Variants in MDN1 observed in about 807,000 individuals in gnomAD.
MDN1 encodes midasin AAA ATPase 1.
MDN1 carries 266 observed loss-of-function variants against 669.2 expected under a neutral mutation model. That is an observed-to-expected ratio of 0.40 (90% confidence interval 0.36 to 0.44). The LOEUF (loss-of-function observed/expected upper bound fraction) is 0.44. Ranked by LOEUF, MDN1 falls within the 20% of genes least tolerant of loss-of-function variation. The probability of loss-of-function intolerance (pLI) is 1.00; values close to 1 mark genes in which losing one functional copy is unlikely to be tolerated. For missense variants in MDN1, 5,940 were observed against 6,754.0 expected (o/e 0.88, Z 4.22); for synonymous variants, 2,385 against 2,457.1 (o/e 0.97, Z 0.87).
At position 89,732,571 on chromosome 6, in the gene MDN1, T is replaced by C; in HGVS notation, c.4928A>G (p.Asp1643Gly). The C allele has an allele frequency of 6.2e-7, 1 of 1,614,112 alleles. No individual in the cohort carries two copies. The highest frequency in any genetic ancestry group is 8.5e-7 in the Non-Finnish European group (1 of 1,179,970). ...AGACAACATACCTGAACCTATTCCATCTATGTACACCAGGCATGCAGCATG... is the reference window on the plus strand; with the variant it reads ...AGACAACATACCTGAACCTATTCCACCTATGTACACCAGGCATGCAGCATG... The part of the protein sequence containing the change: ...FVHAACLVYI[D>G]GIGSGVTSSG... Residue 1643 changes from aspartate (D) to glycine (G), a missense_variant, in exon 34 of 102, where the codon GAT (aspartate) becomes GGT (glycine). Around this residue, in one of 5 missense-constraint regions of MDN1, gnomAD observed 2,292 missense variants for 2,638.3 expected, o/e 0.87. Transcript: ENST00000369393.
chr6:89,808,528 C>T (rs748525405), intron 1 of MDN1, among the ~76,000 whole-genome samples: 54 of 152,142 alleles, frequency 3.5e-4, no homozygotes, highest in Non-Finnish European at 1.5e-4. Context: ...AGTAGTTATT[C>T]TTTGCATAGC....
intron 97 of MDN1, 30 bp downstream of exon 97, chr6:89,649,994 T>TCAAACTGCC: frequency 6.2e-7 from 1 of 1,612,010 alleles, no homozygotes; most frequent in Admixed American, 1.7e-5. Context: ...TAATTTCCTA[T>TCAAACTGCC]CAAACTGCCA....
intron 23 of MDN1, among the ~76,000 whole-genome samples, chr6:89,751,224 G>C (rs1816929360): frequency 6.6e-6 from 1 of 152,154 alleles, no homozygotes; most frequent in African/African-American, 2.4e-5. Context: ...AAAATCATCT[G>C]CATCCATAGT....
At chr6:89,706,278 A>C (rs1584235555) in intron 52 of MDN1, 86 bp from the exon 53 acceptor site, 2 of 1,397,836 alleles carry the variant, frequency 1.4e-6, no homozygotes, top group East Asian at 5.0e-5. Context: ...GTAATCTAGA[A>C]TTTAAATGTT....
chr6:89,719,566 C>T (rs950820066), intron 40 of MDN1, among the ~76,000 whole-genome samples: 5 of 152,024 alleles, frequency 3.3e-5, no homozygotes, highest in African/African-American at 1.2e-4. Context: ...AAGATACTAC[C>T]TAAAAAGAGG....
intron 1 of MDN1, among the ~76,000 whole-genome samples, chr6:89,809,747 G>C (rs1768256298): frequency 6.7e-6 from 1 of 149,028 alleles, no homozygotes; most frequent in Non-Finnish European, 1.5e-5. Context: ...CTGCACTCAA[G>C]CCTGGGTGCC....
chr6:89,667,876 A>G, intron 84 of MDN1, 138 bp downstream of exon 84: 3 of 971,932 alleles, frequency 3.1e-6, no homozygotes, highest in Non-Finnish European at 4.2e-6. Context: ...CCACTGCCGA[A>G]GCACCAATAT....
chr6:89,705,894 A>C (rs1371372678), intron 53 of MDN1, among the ~76,000 whole-genome samples, 165 bp downstream of exon 53: 1 of 152,246 alleles, frequency 6.6e-6, no homozygotes, highest in Non-Finnish European at 1.5e-5. Context: ...TACCCCAATG[A>C]AGATTTTAAA....
Position 89,662,152 on chromosome 6 carries a change from T to C in MDN1, c.14500A>G (p.Lys4834Glu). ...DKSQQDKKEEKEEAEADDGGQ... is the reference protein window; with the variant it reads ...DKSQQDKKEEEEEAEADDGGQ... The stretch of plus-strand genomic sequence containing the variant: ...CCATCATCAGCTTCTGCTTCTTCCT[T>C]TTCTTCCTTCTTATCTTGCTGGCTT... The change falls in exon 87 of 102, where the codon AAG (lysine) becomes GAG (glutamate). Residue 4834 changes from lysine (K) to glutamate (E), a missense_variant. This residue lies in a region of MDN1 where 2,280 missense variants were observed against 2,576.3 expected (regional missense o/e 0.88). Coordinates refer to ENST00000369393, the MANE Select transcript of MDN1 (RefSeq NM_014611.3). 1 of 1,614,116 alleles carries C rather than the reference T, an allele frequency of 6.2e-7. No individual in the cohort carries two copies. Among genetic ancestry groups the C allele is most frequent in the Non-Finnish European group, 8.5e-7 (1 of 1,180,016 alleles).
At chr6:89,681,860 T>A (rs1440392652) in intron 73 of MDN1, among the ~76,000 whole-genome samples, 2 of 151,694 alleles carry the variant, frequency 1.3e-5, no homozygotes, top group African/African-American at 4.8e-5. Context: ...ATACGTTGCA[T>A]AGGCTGGTCT....
chr6:89,731,056 T>C, intron 34 of MDN1, 133 bp from the exon 35 acceptor site: 1 of 684,066 alleles, frequency 1.5e-6, no homozygotes, highest in Admixed American at 3.0e-5. Context: ...TGATTTCTAG[T>C]GTAAGCAGTC....
chr6:89,812,674 G>T (rs904313252), intron 1 of MDN1, among the ~76,000 whole-genome samples: 5 of 141,574 alleles, frequency 3.5e-5, no homozygotes, highest in Non-Finnish European at 8.1e-5. Flanking sequence ...ACTGCTAACT[G>T]ATCAGTTAGC....
At chr6:89,806,759 T>A (rs189770988) in intron 1 of MDN1, among the ~76,000 whole-genome samples, 1,871 of 150,138 alleles carry the variant, frequency 0.012, 21 homozygotes, top group South Asian at 0.033. Context: ...ATTAAAAAAT[T>A]TTTTTTTTTT....
Position 89,727,827 on chromosome 6 carries a change from C to A in MDN1, c.5472+6G>T. Reference sequence around the variant, plus strand: ...CCGTCTTGGGCATGACAAACAGGCCCCTCACCTCATCCAACACCACCCAAT... The same window carrying A: ...CCGTCTTGGGCATGACAAACAGGCCACTCACCTCATCCAACACCACCCAAT... On this transcript the variant is annotated splice_donor_region_variant and intron_variant, in intron 37 of 101. Coordinates refer to ENST00000369393, the MANE Select transcript of MDN1 (RefSeq NM_014611.3). The A allele has an allele frequency of 6.2e-7, 1 of 1,613,518 alleles. No homozygotes were observed. The highest frequency in any genetic ancestry group is 8.5e-7 in the Non-Finnish European group (1 of 1,179,734).
intron 36 of MDN1, 79 bp from the exon 37 acceptor site, chr6:89,728,034 G>T: frequency 6.8e-7 from 1 of 1,478,264 alleles, no homozygotes; most frequent in South Asian, 1.3e-5. Context: ...AATCTGAAAT[G>T]ATAAATACTT....
chr6:89,800,044 G>T (rs1242525422), intron 2 of MDN1, among the ~76,000 whole-genome samples: 1 of 151,962 alleles, frequency 6.6e-6, no homozygotes, highest in Non-Finnish European at 1.5e-5. Context: ...CCAGAGAGGA[G>T]AAAGGGGATA....
At chr6:89,680,156 C>G (rs1811502304) in intron 74 of MDN1, among the ~76,000 whole-genome samples, 1 of 152,096 alleles carries the variant, frequency 6.6e-6, no homozygotes, top group African/African-American at 2.4e-5. Context: ...TCTCACCTTC[C>G]CTGAGCAAAG....
At chr6:89,719,296 AC>A in intron 40 of MDN1, 71 bp from the exon 41 acceptor site, 1 of 1,245,118 alleles carries the variant, frequency 8.0e-7, no homozygotes, top group Non-Finnish European at 1.2e-6. Flanking sequence ...TTTCTAGAAA[AC>A]AAGCACAGTG....
At chr6:89,704,339 G>A (rs1481492879) in intron 53 of MDN1, among the ~76,000 whole-genome samples, 1 of 152,152 alleles carries the variant, frequency 6.6e-6, no homozygotes, top group Non-Finnish European at 1.5e-5. Flanking sequence ...CTGAGATCAC[G>A]CCATTGCATT....
Sources: gnomAD v4.1 joint callset for allele counts (sites outside exome capture counted in the v4.1 genomes callset) on GRCh38, gnomAD v4.1.1 for gene constraint, gnomAD v4.1.1 regional missense constraint, MANE v1.5 for transcripts, NCBI Gene and HGNC (gene_info 2026-07-23, HGNC 2026-07-21) for gene names.